The following MAP3K20 variants were observed in gnomAD, a reference collection of about 807,000 sequenced individuals.
The protein encoded by MAP3K20 is HCCS-4.
In MAP3K20, 40 loss-of-function variants were observed where a neutral mutation model predicts 85.7. That is an observed-to-expected ratio of 0.47 (90% confidence interval 0.36 to 0.61). The LOEUF (loss-of-function observed/expected upper bound fraction) is 0.61. Ranked by LOEUF, MAP3K20 falls within the 20% of genes least tolerant of loss-of-function variation. MAP3K20 has a pLI of 0.00. For missense variants in MAP3K20, 817 were observed against 961.7 expected, an observed-to-expected ratio of 0.85 and a Z score of 1.99; for synonymous variants, 325 against 327.7, an observed-to-expected ratio of 0.99 and a Z score of 0.09.
intron 7 of MAP3K20, 141 bp downstream of exon 7, chr2:173,191,318 G>A (rs1690642866): frequency 2.5e-6 from 3 of 1,187,068 alleles, no homozygotes; most frequent in Non-Finnish European, 3.4e-6. Flanking sequence ...CACCATTGGA[G>A]AACGCTTCCT....
chr2:173,257,211 T>C (rs1032541322), intron 16 of MAP3K20, among the ~76,000 whole-genome samples: 1 of 151,896 alleles, frequency 6.6e-6, no homozygotes, highest in African/African-American at 2.4e-5. Context: ...AAAAGAGAAA[T>C]ACACAGATTT....
intron 11 of MAP3K20, chr2:173,226,740 T>G: frequency 1.0e-6 from 1 of 985,800 alleles, no homozygotes; most frequent in South Asian, 4.7e-5. Flanking sequence ...TATCTTTTAA[T>G]GTCAGATATG....
intron 3 of MAP3K20, among the ~76,000 whole-genome samples, chr2:173,175,701 T>C (rs973551459): frequency 9.2e-5 from 14 of 152,208 alleles, no homozygotes; most frequent in Admixed American, 3.3e-4. Flanking sequence ...GATGTTCTGC[T>C]GCCATTGTTG....
At chr2:173,163,150 G>T (rs1023176457) in intron 2 of MAP3K20, among the ~76,000 whole-genome samples, 4 of 152,130 alleles carry the variant, frequency 2.6e-5, no homozygotes, top group African/African-American at 7.2e-5. Flanking sequence ...TAGGTTTAGG[G>T]GTACGTGTGC....
intron 1 of MAP3K20, among the ~76,000 whole-genome samples, chr2:173,089,357 TTTAA>T (rs1354067630): frequency 3.9e-5 from 6 of 152,150 alleles, no homozygotes; most frequent in African/African-American, 1.4e-4. Flanking sequence ...ACTGAACCAT[TTTAA>T]AGTAAATTAT....
chr2:173,118,184 T>C (rs192031305), intron 2 of MAP3K20, among the ~76,000 whole-genome samples: 1 of 152,336 alleles, frequency 6.6e-6, no homozygotes, highest in Non-Finnish European at 1.5e-5. Context: ...TCCATTTTCC[T>C]CCAATCACGT....
intron 16 of MAP3K20, among the ~76,000 whole-genome samples, chr2:173,241,261 G>A (rs918700328): frequency 6.6e-6 from 1 of 152,102 alleles, no homozygotes; most frequent in Admixed American, 6.5e-5. Flanking sequence ...AAAGAAATGA[G>A]GTAATGGATG....
chr2:173,088,943 A>C (rs557793484), intron 1 of MAP3K20, among the ~76,000 whole-genome samples: 1 of 152,334 alleles, frequency 6.6e-6, no homozygotes, highest in South Asian at 2.1e-4. Flanking sequence ...TAAACTTTAG[A>C]GGATGAACAA....
Position 173,166,910 on chromosome 2 carries a change from G to GTTTTTTTTTT in MAP3K20, c.160-2884_160-2875dup, listed in dbSNP as rs71018540. ...ACACATTTATTGCAACAGTTTTTCTGTTTTTTTTTTTTTTTTTTTTGAGAC... is the reference window on the plus strand; with the variant it reads ...ACACATTTATTGCAACAGTTTTTCTGTTTTTTTTTTTTTTTTTTTTTTTTTTTTTTGAGAC... On this transcript the variant is annotated intron_variant, in intron 2 of 19. Coordinates refer to ENST00000375213, the MANE Select transcript of MAP3K20 (RefSeq NM_016653.3). 37 of 113,858 alleles carry GTTTTTTTTTT rather than the reference G, an allele frequency of 3.2e-4. 1 individual carries two copies. The highest frequency in any genetic ancestry group is 4.9e-4 in the Non-Finnish European group (28 of 57,348). 7.1% of individuals were successfully genotyped at this position (113,858 alleles called of 1,614,324 possible).
In MAP3K20 at chr2:173,266,117, T is replaced by C. The variant is rs923523984; in HGVS notation, c.1770T>C (p.Arg590=). 3.0e-5 allele frequency: 48 copies of C among 1,611,560 alleles called. No individual in the cohort carries two copies. Among genetic ancestry groups the C allele is most frequent in the Non-Finnish European group, 3.7e-5 (44 of 1,178,916 alleles). Residue 590 remains arginine (R), a synonymous_variant, in exon 20 of 20, where the codon CGT becomes CGC. Transcript: ENST00000375213. ...RQIASNTSLQ[R]SQSNPILGSP... The stretch of plus-strand genomic sequence containing the variant: ...TTGCATCCAACACTTCTTTACAGCG[T>C]TCCCAGAGCAATCCTATTCTGGGGT...
intron 2 of MAP3K20, among the ~76,000 whole-genome samples, chr2:173,118,612 A>G (rs1181468987): frequency 6.6e-6 from 1 of 152,156 alleles, no homozygotes; most frequent in Non-Finnish European, 1.5e-5. Context: ...GAGTACCATG[A>G]TCTTACGGCA....
intron 4 of MAP3K20, among the ~76,000 whole-genome samples, chr2:173,183,349 C>G (rs1010556039): frequency 1.3e-5 from 2 of 152,124 alleles, no homozygotes; most frequent in African/African-American, 4.8e-5. Context: ...AGGATTAGTT[C>G]TACTCATTTT....
intron 3 of MAP3K20, among the ~76,000 whole-genome samples, chr2:173,180,567 T>G (rs1244621309): frequency 2.0e-5 from 3 of 152,040 alleles, no homozygotes; most frequent in Non-Finnish European, 4.4e-5. Flanking sequence ...TCCCAGCTAC[T>G]AGAAAGGCTG....
Position 173,203,785 on chromosome 2 carries a change from G to C in MAP3K20, c.670-11G>C, listed in dbSNP as rs11899707. 1,591,507 of 1,607,550 alleles carry C rather than the reference G, an allele frequency of 0.99. 787,889 individuals carry two copies. Among genetic ancestry groups the C allele is most frequent in the East Asian group, 1 (44,791 of 44,794 alleles). ...GTTTTATTTTGTTTTGTTTCCCTCT[G>C]TCTATTGTAGAGATTAACCATTCCA... On this transcript the variant is annotated splice_polypyrimidine_tract_variant and intron_variant, in intron 8 of 19. Coordinates refer to ENST00000375213, the MANE Select transcript of MAP3K20 (RefSeq NM_016653.3).
chr2:173,159,081 C>T (rs77849516), intron 2 of MAP3K20, among the ~76,000 whole-genome samples: 13 of 152,174 alleles, frequency 8.5e-5, no homozygotes, highest in African/African-American at 3.1e-4. Context: ...GTGACCAGGT[C>T]GCTTTAGGGC....
chr2:173,133,978 G>A (rs148400107), intron 2 of MAP3K20, among the ~76,000 whole-genome samples: 7,763 of 139,418 alleles, frequency 0.056, 295 homozygotes, highest in Middle Eastern at 0.095. Flanking sequence ...GTGACAGAGC[G>A]ATATTCCATC....
At chr2:173,213,312 A>T (rs914095155) in intron 10 of MAP3K20, among the ~76,000 whole-genome samples, 6 of 152,208 alleles carry the variant, frequency 3.9e-5, no homozygotes, top group African/African-American at 1.4e-4. Context: ...TAAAAGGCGT[A>T]CAGTTGCCTA....
chr2:173,243,423 T>C (rs1473227211), intron 16 of MAP3K20, among the ~76,000 whole-genome samples: 1 of 152,074 alleles, frequency 6.6e-6, no homozygotes, highest in African/African-American at 2.4e-5. Flanking sequence ...AGGGAGCTCT[T>C]TCTTGGAATA....
intron 11 of MAP3K20, 118 bp downstream of exon 11, chr2:173,217,368 G>GCGCC (rs1442888335): frequency 7.9e-7 from 1 of 1,273,312 alleles, no homozygotes; most frequent in Non-Finnish European, 1.0e-6. Context: ...TTCCTGCCTC[G>GCGCC]CGCCCGTGTA....
Sources: allele counts gnomAD v4.1 joint callset (sites outside exome capture counted in the v4.1 genomes callset), GRCh38; gene constraint gnomAD v4.1.1; transcripts MANE v1.5; gene names NCBI Gene and HGNC (gene_info 2026-07-23, HGNC 2026-07-21).